Variants in TRPC4 observed in about 807,000 individuals in gnomAD.
TRPC4 encodes transient receptor potential cation channel subfamily C member 4.
A neutral mutation model predicts 99.4 loss-of-function variants in TRPC4; 49 were observed. The observed-to-expected ratio is 0.49, with a 90% confidence interval of 0.39 to 0.63. The LOEUF is 0.63. TRPC4 is among the 20% of genes least tolerant of loss of function. The pLI is 0.00. For synonymous variants in TRPC4, 454 were observed against 425.9 expected, an observed-to-expected ratio of 1.07 and a Z score of -0.81; for missense variants, 898 against 1,152.9, an observed-to-expected ratio of 0.78 and a Z score of 3.20.
chr13:37,774,326 A>G (rs894277019), intron 2 of TRPC4, among the ~76,000 whole-genome samples: 14 of 151,778 alleles, frequency 9.2e-5, no homozygotes, highest in African/African-American at 2.7e-4. Flanking sequence ...AGCTTACAGT[A>G]CAAAATTATT....
At chr13:37,721,153 A>C (rs17056504) in intron 3 of TRPC4, among the ~76,000 whole-genome samples, 1 of 152,162 alleles carries the variant, frequency 6.6e-6, no homozygotes, top group Non-Finnish European at 1.5e-5. Flanking sequence ...CCCATTTTTC[A>C]TAAGTGCTTA....
chr13:37,761,348 A>G (rs1250937661), intron 2 of TRPC4, among the ~76,000 whole-genome samples: 1 of 151,842 alleles, frequency 6.6e-6, no homozygotes, highest in African/African-American at 2.4e-5. Context: ...TCATACAGAA[A>G]TCCATGCAGC....
rs532801762 is a variant in TRPC4, at chr13:37,742,257, A to G, written c.897+3680T>C. ...AGAGAAGTACCAGAACAAGTCTGCA[A>G]TCAAATCCTGCCAACATTAATTGTT... On this transcript the variant is annotated intron_variant, in intron 3 of 10. Transcript: ENST00000379705. Among the ~76,000 whole-genome samples, 3 of 152,284 alleles carry G rather than the reference A, an allele frequency of 2.0e-5. No individual in the cohort carries two copies. In the South Asian group the frequency reaches 6.2e-4, roughly 32 times the overall value.
intron 1 of TRPC4, among the ~76,000 whole-genome samples, chr13:37,804,246 C>A (rs1799875520): frequency 6.6e-6 from 1 of 152,074 alleles, no homozygotes; most frequent in South Asian, 2.1e-4. Context: ...TCTATGTTAT[C>A]TCATTTTATT....
At chr13:37,861,623 GC>G (rs1566231988) in intron 1 of TRPC4, among the ~76,000 whole-genome samples, 3 of 151,590 alleles carry the variant, frequency 2.0e-5, no homozygotes, top group Admixed American at 6.6e-5. Flanking sequence ...TCATGAAAGG[GC>G]AAAATCATTT....
intron 7 of TRPC4, among the ~76,000 whole-genome samples, chr13:37,654,588 T>G (rs1205586600): frequency 1.3e-5 from 2 of 152,178 alleles, no homozygotes; most frequent in African/African-American, 4.8e-5. Context: ...TCGTGTATTA[T>G]CCTACAGAAG....
chr13:37,802,867 G>A (rs1212389834), intron 1 of TRPC4, among the ~76,000 whole-genome samples: 1 of 152,030 alleles, frequency 6.6e-6, no homozygotes, highest in Non-Finnish European at 1.5e-5. Context: ...CTTGCCTGCA[G>A]CATTTCTTAC....
At chr13:37,637,698 A>G in intron 10 of TRPC4, 73 bp from the exon 11 acceptor site, 1 of 1,416,720 alleles carries the variant, frequency 7.1e-7, no homozygotes, top group Non-Finnish European at 9.5e-7. Context: ...CGTCTCATAT[A>G]TGGGTCAGAA....
At chr13:37,804,335 T>A (rs1463517417) in intron 1 of TRPC4, among the ~76,000 whole-genome samples, 2 of 152,056 alleles carry the variant, frequency 1.3e-5, no homozygotes, top group African/African-American at 4.8e-5. Flanking sequence ...GAGTAAGATA[T>A]TTTCCTGAAG....
intron 2 of TRPC4, among the ~76,000 whole-genome samples, chr13:37,771,030 C>A (rs538942274): frequency 4.1e-4 from 62 of 151,636 alleles, no homozygotes; most frequent in Non-Finnish European, 1.0e-4. Context: ...GTATTAGGTG[C>A]TATTAGCCTA....
At chr13:37,652,264 T>C (rs1319509163) in intron 7 of TRPC4, among the ~76,000 whole-genome samples, 1 of 152,250 alleles carries the variant, frequency 6.6e-6, no homozygotes, top group Non-Finnish European at 1.5e-5. Context: ...TGGGCATACA[T>C]TCATTTTAAG....
chr13:37,732,190 T>C (rs1414457040), intron 3 of TRPC4, among the ~76,000 whole-genome samples: 1 of 152,086 alleles, frequency 6.6e-6, no homozygotes, highest in African/African-American at 2.4e-5. Context: ...CCTAAAACAA[T>C]TAATTATAAC....
At chr13:37,725,915 A>T (rs1375329185) in intron 3 of TRPC4, among the ~76,000 whole-genome samples, 2 of 152,100 alleles carry the variant, frequency 1.3e-5, no homozygotes, top group South Asian at 2.1e-4. Context: ...GATAACTAAA[A>T]AGTTAGTATT....
chr13:37,642,737 T>C (rs199730469), intron 8 of TRPC4, among the ~76,000 whole-genome samples: 418 of 1,878 alleles, frequency 0.22, 5 homozygotes, highest in Middle Eastern at 0.5. Flanking sequence ...TTTCTTTTTC[T>C]TTTTTTTTTT....
chr13:37,667,546 G>T lies in TRPC4; in HGVS notation c.1375-3817C>A, dbSNP rs577246029. Among the ~76,000 whole-genome samples, 4 of 152,274 alleles carry T rather than the reference G, an allele frequency of 2.6e-5. No homozygotes were observed. In the South Asian group the frequency reaches 8.3e-4, roughly 32 times the overall value. ...TGGTCTTGAACTCCTGATCTCAGGT[G>T]GTCTGCCCGCCTGGGCCTCACAAAG... On this transcript the variant is annotated intron_variant, in intron 5 of 10. Transcript: ENST00000379705.
At chr13:37,687,003 C>A (rs1401852905) in intron 4 of TRPC4, among the ~76,000 whole-genome samples, 6 of 151,526 alleles carry the variant, frequency 4.0e-5, no homozygotes, top group African/African-American at 1.5e-4. Flanking sequence ...CTTGCTCTGT[C>A]ACCTACACTG....
At chr13:37,659,596 A>T (rs527312651) in intron 6 of TRPC4, among the ~76,000 whole-genome samples, 1 of 152,308 alleles carries the variant, frequency 6.6e-6, no homozygotes, top group Non-Finnish European at 1.5e-5. Context: ...ATGGGAAACC[A>T]TTTTGGCACT....
chr13:37,651,255 G>A lies in TRPC4; in HGVS notation c.2079+10C>T. ...AAAAAAAGAGTAATACTAACATGCT[G>A]TGTTCTTACCCCTATTGTTCCAAAA... On this transcript the variant is annotated intron_variant, in intron 8 of 10. Transcript: ENST00000379705. 6.2e-7 allele frequency: 1 copy of A among 1,613,834 alleles called. No individual in the cohort carries two copies. The highest frequency in any genetic ancestry group is 8.5e-7 in the Non-Finnish European group (1 of 1,179,790).
At chr13:37,841,825 A>G (rs905549385) in intron 1 of TRPC4, among the ~76,000 whole-genome samples, 1 of 152,178 alleles carries the variant, frequency 6.6e-6, no homozygotes, top group African/African-American at 2.4e-5. Context: ...GCTCTAAAAA[A>G]CAGTTTCTTT....
Sources: allele counts gnomAD v4.1 joint callset (sites outside exome capture counted in the v4.1 genomes callset), GRCh38; gene constraint gnomAD v4.1.1; transcripts MANE v1.5; gene names NCBI Gene and HGNC (gene_info 2026-07-23, HGNC 2026-07-21).